Variants in SLC1A6 observed in about 807,000 individuals in gnomAD.
The protein encoded by SLC1A6 is solute carrier family 1 member 6, also known as excitatory amino acid transporter 4.
In SLC1A6, 15 loss-of-function variants were observed where a neutral mutation model predicts 42.1. The ratio of observed to expected loss-of-function variants is 0.36; its 90% CI spans 0.24 to 0.55. The LOEUF (loss-of-function observed/expected upper bound fraction) is 0.55. SLC1A6 is among the 20% of genes least tolerant of loss of function. SLC1A6 has a pLI of 0.88. For missense variants in SLC1A6, 542 were observed against 772.5 expected (o/e 0.70, Z 3.54); for synonymous variants, 317 against 319.7 (o/e 0.99, Z 0.09).
At chr19:14,998,701 G>A (rs6511996) in intron 1 of SLC1A6, among the ~76,000 whole-genome samples, 130,665 of 152,094 alleles carry the variant, frequency 0.86, 56,151 homozygotes, top group East Asian at 0.92. Context: ...ACTCTAAAAT[G>A]TATTTCTTTG....
chr19:15,002,496 G>A (rs1440436184), intron 1 of SLC1A6, among the ~76,000 whole-genome samples: 2 of 152,136 alleles, frequency 1.3e-5, no homozygotes, highest in African/African-American at 4.8e-5. Context: ...CAGAAGCCAT[G>A]ATCGCTTTGT....
chr19:14,954,090 C>T, intron 8 of SLC1A6, 45 bp downstream of exon 8: 2 of 1,495,884 alleles, frequency 1.3e-6, no homozygotes, highest in South Asian at 1.3e-5. Context: ...AGCTGATGAC[C>T]GCTTAAGTCT....
Position 14,960,956 on chromosome 19 carries a change from C to T in SLC1A6, c.935+1046G>A, listed in dbSNP as rs1366660460. Among the ~76,000 whole-genome samples, 15 of 127,638 alleles carry T rather than the reference C, an allele frequency of 1.2e-4. 1 individual carries two copies. The highest frequency in any genetic ancestry group is 1.1e-3 in the Admixed American group (13 of 11,514). 83.7% of individuals were successfully genotyped at this position (127,638 alleles called of 152,430 possible). A position where few individuals can be genotyped will look rare whatever the true frequency, so the allele number is the denominator to read the frequency against. ...TTTTTTTTTTTTTTTGAGACTGGGT[C>T]TCATTCTGTCACCCAGGCAACCACA... On this transcript the variant is annotated intron_variant, in intron 6 of 9. Transcript: ENST00000594383.
In SLC1A6 at chr19:14,962,171, T is replaced by A; in HGVS notation, c.766A>T (p.Thr256Ser). 6.2e-7 allele frequency: 1 copy of A among 1,614,012 alleles called. No individual in the cohort carries two copies. Among genetic ancestry groups the A allele is most frequent in the Non-Finnish European group, 8.5e-7 (1 of 1,180,006 alleles). ...TLQEMLSFEE[T>S]VPVPGSANGI... ...TTGGCGGAGCCAGGCACGGGTACAG[T>A]CTCCTCAAAGCTCAGCATCTCCTGC... is the stretch of plus-strand genomic sequence containing the variant. The change falls in exon 6 of 10, where the codon ACT becomes TCT. Residue 256 changes from threonine to serine, a missense_variant. This residue lies in a region of SLC1A6 where 298 missense variants were observed against 419.4 expected (regional missense o/e 0.71). Coordinates refer to ENST00000594383, the MANE Select transcript of SLC1A6 (RefSeq NM_005071.3).
intron 6 of SLC1A6, among the ~76,000 whole-genome samples, chr19:14,958,023 C>G (rs956585089): frequency 2.0e-5 from 3 of 152,198 alleles, no homozygotes; most frequent in Non-Finnish European, 2.9e-5. Context: ...TGTTTCCCCC[C>G]ATAATCCAGC....
At chr19:14,961,732 CAGA>C in intron 6 of SLC1A6, 3 of 412,370 alleles carry the variant, frequency 7.3e-6, no homozygotes, top group South Asian at 7.5e-5. Context: ...TGAATCATTG[CAGA>C]AGGACATGAA....
intron 1 of SLC1A6, among the ~76,000 whole-genome samples, chr19:15,008,860 C>T (rs78575993): frequency 1.4e-5 from 2 of 145,270 alleles, no homozygotes; most frequent in Non-Finnish European, 3.0e-5. Flanking sequence ...TTTTTTTTTA[C>T]AGGCAGGCAC....
intron 1 of SLC1A6, among the ~76,000 whole-genome samples, chr19:15,008,332 G>T (rs1473113715): frequency 6.6e-6 from 1 of 151,870 alleles, no homozygotes; most frequent in Non-Finnish European, 1.5e-5. Flanking sequence ...GCCACAAAGT[G>T]GGGCTCAGTC....
intron 1 of SLC1A6, among the ~76,000 whole-genome samples, chr19:14,995,326 C>CAAA (rs1173848535): frequency 1.3e-4 from 7 of 52,818 alleles, no homozygotes; most frequent in African/African-American, 3.0e-4. Flanking sequence ...ACTCCATCTC[C>CAAA]AAAAAAAAAA....
intron 4 of SLC1A6, among the ~76,000 whole-genome samples, chr19:14,968,027 T>C (rs943132316): frequency 4.6e-5 from 7 of 152,240 alleles, no homozygotes; most frequent in African/African-American, 1.7e-4. Context: ...TGGGGTCATA[T>C]GTTACATGCA....
intron 1 of SLC1A6, among the ~76,000 whole-genome samples, chr19:14,987,082 C>A (rs936740502): frequency 1.3e-5 from 2 of 152,084 alleles, no homozygotes; most frequent in Non-Finnish European, 2.9e-5. Context: ...ACCTTGCAGA[C>A]CCCCTGAATG....
At chr19:14,978,865 T>C (rs563188575) in intron 1 of SLC1A6, among the ~76,000 whole-genome samples, 1 of 151,964 alleles carries the variant, frequency 6.6e-6, no homozygotes, top group South Asian at 2.1e-4. Flanking sequence ...ATGAATTAAA[T>C]CTTACAGAGG....
At position 15,003,334 on chromosome 19, in the gene SLC1A6, T is replaced by C. The variant is rs1022362692; in HGVS notation, c.6+7151A>G. ...GTACAGCCATAGACACAGGTCCTTG[T>C]CACTCACTGACCAGCAAGGTCACTG... On this transcript the variant is annotated intron_variant, in intron 1 of 8. Coordinates refer to the SLC1A6 transcript ENST00000430939. Among the ~76,000 whole-genome samples the C allele has an allele frequency of 2.6e-5, 4 of 152,298 alleles. No homozygotes were observed. In the South Asian group the frequency reaches 8.3e-4, roughly 32 times the overall value.
At chr19:14,997,151 C>T (rs2045851418) in intron 1 of SLC1A6, among the ~76,000 whole-genome samples, 1 of 152,152 alleles carries the variant, frequency 6.6e-6, no homozygotes, top group Non-Finnish European at 1.5e-5. Flanking sequence ...TCCCTCTGCT[C>T]ACTGAGATAA....
intron 1 of SLC1A6, chr19:14,975,106 A>G (rs539388394): frequency 6.6e-6 from 1 of 152,308 alleles, no homozygotes; most frequent in African/African-American, 2.4e-5. Context: ...AGATGAAAAC[A>G]TCAGGGAAAT....
chr19:15,009,194 A>G (rs979167149), intron 1 of SLC1A6, among the ~76,000 whole-genome samples: 1 of 150,608 alleles, frequency 6.6e-6, no homozygotes, highest in African/African-American at 2.4e-5. Flanking sequence ...TATACCAAAT[A>G]CATATGCCCT....
intron 3 of SLC1A6, among the ~76,000 whole-genome samples, chr19:14,969,020 A>G (rs1030000670): frequency 2.0e-5 from 3 of 151,974 alleles, no homozygotes; most frequent in Non-Finnish European, 2.9e-5. Context: ...TTGTATTTTT[A>G]GTAGAGACGG....
chr19:15,000,113 T>G (rs1296413448), intron 1 of SLC1A6, among the ~76,000 whole-genome samples: 4 of 150,932 alleles, frequency 2.7e-5, no homozygotes, highest in Admixed American at 6.7e-5. Flanking sequence ...TCTAGGCTAA[T>G]GTAAGTGTTC....
At chr19:14,956,428 CA>C (rs756289546) in intron 7 of SLC1A6, 47 bp downstream of exon 7, 4 of 1,299,422 alleles carry the variant, frequency 3.1e-6, no homozygotes, top group Non-Finnish European at 4.3e-6. Flanking sequence ...ACATGAAGGA[CA>C]AGAAGTGCAA....
Sources: gnomAD v4.1 joint callset for allele counts (sites outside exome capture counted in the v4.1 genomes callset) on GRCh38, gnomAD v4.1.1 for gene constraint, gnomAD v4.1.1 regional missense constraint, MANE v1.5 for transcripts, NCBI Gene and HGNC (gene_info 2026-07-23, HGNC 2026-07-21) for gene names.